VDR: variants seen among roughly 807,000 people sequenced by gnomAD.
VDR encodes vitamin D receptor, also known as vitamin D3 receptor.
VDR carries 19 observed loss-of-function variants against 39.7 expected under a neutral mutation model. The ratio of observed to expected loss-of-function variants is 0.48; its 90% CI spans 0.33 to 0.70. VDR has a LOEUF of 0.70. Among genes scored for constraint, VDR ranks in the 30% least tolerant of loss-of-function variants. The probability of loss-of-function intolerance (pLI) is 0.02; values close to 1 mark genes in which losing one functional copy is unlikely to be tolerated. For synonymous variants in VDR, 242 were observed against 215.8 expected (o/e 1.12, Z -1.07); for missense variants, 442 against 570.5 (o/e 0.77, Z 2.29).
At chr12:47,855,493 C>T in intron 7 of VDR, 137 bp downstream of exon 7, 1 of 1,048,016 alleles carries the variant, frequency 9.5e-7, no homozygotes, top group Non-Finnish European at 1.4e-6. Context: ...GCACTCCAGC[C>T]TGCGTGACAG....
chr12:47,862,320 G>A (rs1448340643), intron 4 of VDR, among the ~76,000 whole-genome samples: 11 of 152,210 alleles, frequency 7.2e-5, no homozygotes, highest in African/African-American at 2.2e-4. Flanking sequence ...AATGGAGTGA[G>A]CTCCGACCCA....
In VDR at chr12:47,859,096, G is replaced by A. The variant is rs143244503; in HGVS notation, c.278-1408C>T. Among the ~76,000 whole-genome samples the A allele has an allele frequency of 3.7e-3, 564 of 152,348 alleles. 10 individuals are homozygous for A. In the East Asian group the frequency reaches 0.057, roughly 15 times the overall value. On this transcript the variant is annotated intron_variant, in intron 4 of 9. Coordinates refer to ENST00000549336, the MANE Select transcript of VDR (RefSeq NM_000376.3). ...TACCAGGTCAGGCAGGGTGGGAGAGGAAGGGGCAGGGAGCATCCAGGGAAG... is the reference window on the plus strand; with the variant it reads ...TACCAGGTCAGGCAGGGTGGGAGAGAAAGGGGCAGGGAGCATCCAGGGAAG...
intron 7 of VDR, among the ~76,000 whole-genome samples, chr12:47,850,846 C>A (rs527317436): frequency 1.3e-5 from 2 of 152,040 alleles, no homozygotes; most frequent in South Asian, 4.2e-4. Flanking sequence ...CCCACCCCCA[C>A]AGGCAGAGCC....
At chr12:47,875,569 A>G (rs1285294556) in intron 3 of VDR, among the ~76,000 whole-genome samples, 1 of 152,236 alleles carries the variant, frequency 6.6e-6, no homozygotes, top group Admixed American at 6.5e-5. Flanking sequence ...AAACTTCCAA[A>G]TAAAATTTGG....
intron 3 of VDR, among the ~76,000 whole-genome samples, chr12:47,871,796 A>G (rs1945886463): frequency 6.6e-6 from 1 of 152,230 alleles, no homozygotes; most frequent in African/African-American, 2.4e-5. Flanking sequence ...CAGAACCTCC[A>G]TATAATACTC....
At chr12:47,901,760 C>A (rs1025349664) in intron 1 of VDR, among the ~76,000 whole-genome samples, 3 of 152,192 alleles carry the variant, frequency 2.0e-5, no homozygotes, top group Admixed American at 6.5e-5. Flanking sequence ...CCAGTCTTGG[C>A]TCCACTATGA....
intron 2 of VDR, 71 bp from the exon 3 acceptor site, chr12:47,879,186 C>A: frequency 1.9e-6 from 3 of 1,557,506 alleles, no homozygotes; most frequent in South Asian, 2.4e-5. Flanking sequence ...TCCTTGGTGC[C>A]ACCCACCCCC....
intron 3 of VDR, among the ~76,000 whole-genome samples, chr12:47,867,362 A>G (rs74413671): frequency 6.6e-6 from 1 of 152,130 alleles, no homozygotes; most frequent in Non-Finnish European, 1.5e-5. Flanking sequence ...TCAAAAAAAA[A>G]AGAAAGAAAA....
chr12:47,902,387 C>T (rs1419223521), intron 1 of VDR, among the ~76,000 whole-genome samples: 2 of 152,170 alleles, frequency 1.3e-5, no homozygotes, highest in Non-Finnish European at 2.9e-5. Context: ...CAGAACTGGA[C>T]AATAGTGGAG....
chr12:47,879,207 C>T, intron 2 of VDR, 92 bp from the exon 3 acceptor site: 1 of 1,432,278 alleles, frequency 7.0e-7, no homozygotes, highest in Non-Finnish European at 9.3e-7. Flanking sequence ...AGCCTCATCC[C>T]ACCGCCCCCA....
intron 3 of VDR, among the ~76,000 whole-genome samples, chr12:47,873,726 T>C (rs1265532675): frequency 6.6e-6 from 1 of 152,216 alleles, no homozygotes; most frequent in Non-Finnish European, 1.5e-5. Flanking sequence ...TATGGACTAA[T>C]ACACTGATCT....
rs1945180345 is a variant in VDR at position 47,841,978 on chromosome 12, T to C, written c.*2768A>G. On this transcript the variant is annotated 3_prime_UTR_variant, in exon 10 of 10. Coordinates refer to ENST00000549336, the MANE Select transcript of VDR (RefSeq NM_000376.3). Reference sequence around the variant, plus strand: ...GACCTTTTCTCCCCGTTCAGCCCCATAAAAACTCATTTTCCCCTCTTTTCT... The same window carrying C: ...GACCTTTTCTCCCCGTTCAGCCCCACAAAAACTCATTTTCCCCTCTTTTCT... 6.6e-6 allele frequency: 1 copy of C among 152,352 alleles called. No individual in the cohort carries two copies. The highest frequency in any genetic ancestry group is 2.4e-5 in the African/African-American group (1 of 41,436). 9.4% of individuals were successfully genotyped at this position (152,352 alleles called of 1,614,324 possible). A position where few individuals can be genotyped will look rare whatever the true frequency, so the allele number is the denominator to read the frequency against.
Position 47,875,055 on chromosome 12 carries a change from G to A in VDR, c.146+3913C>T, listed in dbSNP as rs572006878. 1.6e-4 allele frequency among the ~76,000 whole-genome samples: 24 copies of A among 152,248 alleles called. 1 individual carries two copies. The highest frequency in any genetic ancestry group is 6.2e-4 in the South Asian group (3 of 4,820). On this transcript the variant is annotated intron_variant, in intron 3 of 9. Transcript: ENST00000549336. The stretch of plus-strand genomic sequence containing the variant: ...TCCCTGTATTCCAGAATAACAGGAA[G>A]CACAAGCAACATGAAATAGCTTGCA...
chr12:47,889,313 A>G (rs904008624), intron 1 of VDR, among the ~76,000 whole-genome samples: 2 of 152,110 alleles, frequency 1.3e-5, no homozygotes, highest in African/African-American at 2.4e-5. Context: ...GTGGGGTAGG[A>G]ATGGGCCATG....
Position 47,844,454 on chromosome 12 carries a change from T to C in VDR, c.*292A>G. 1.8e-6 allele frequency: 1 copy of C among 562,728 alleles called. No individual in the cohort carries two copies. Among genetic ancestry groups the C allele is most frequent in the Non-Finnish European group, 3.2e-6 (1 of 312,516 alleles). 34.9% of individuals were successfully genotyped at this position (562,728 alleles called of 1,614,324 possible). ...AGCCACTTAGGCAGCGGTGGAGGCATCTCTGGGCAAGGCCCTGCCTCCAGC... is the reference window on the plus strand; with the variant it reads ...AGCCACTTAGGCAGCGGTGGAGGCACCTCTGGGCAAGGCCCTGCCTCCAGC... On this transcript the variant is annotated 3_prime_UTR_variant, in exon 10 of 10. Transcript: ENST00000549336.
At chr12:47,870,203 G>C (rs147091684) in intron 3 of VDR, among the ~76,000 whole-genome samples, 4 of 152,284 alleles carry the variant, frequency 2.6e-5, no homozygotes, top group African/African-American at 9.6e-5. Context: ...CTGTTCTCCT[G>C]CCTTCCAAGG....
chr12:47,894,935 C>A (rs570034188), intron 1 of VDR, among the ~76,000 whole-genome samples: 7 of 152,336 alleles, frequency 4.6e-5, no homozygotes, highest in Admixed American at 2.6e-4. Context: ...GGAAGGCCCG[C>A]GGGAGCCAGG....
At chr12:47,886,904 G>A (rs1045938619) in intron 1 of VDR, among the ~76,000 whole-genome samples, 7 of 152,112 alleles carry the variant, frequency 4.6e-5, no homozygotes, top group African/African-American at 1.4e-4. Flanking sequence ...GCTTTCAATG[G>A]CTCCTCCTAG....
rs1592090050 is a variant in VDR, at chr12:47,841,788, A to G, written c.*2958T>C. 1 of 152,462 alleles carries G rather than the reference A, an allele frequency of 6.6e-6. No individual in the cohort carries two copies. The highest frequency in any genetic ancestry group is 2.1e-4 in the South Asian group (1 of 4,820). The allele number at this position is 152,462 out of a possible 1,614,324, so 9.4% of individuals were successfully genotyped here. A position where few individuals can be genotyped will look rare whatever the true frequency, so the allele number is the denominator to read the frequency against. On this transcript the variant is annotated 3_prime_UTR_variant, in exon 10 of 10. Transcript: ENST00000549336. ...CTGTTGACCTCGCTTGGATTCTCCT[A>G]CATGCTTCCAGTTAGCCAGCCAGAG...
Sources: allele counts gnomAD v4.1 joint callset (sites outside exome capture counted in the v4.1 genomes callset), GRCh38; gene constraint gnomAD v4.1.1; transcripts MANE v1.5; gene names NCBI Gene and HGNC (gene_info 2026-07-23, HGNC 2026-07-21).